Variants in TMEM182 observed in about 807,000 individuals in gnomAD.
TMEM182 encodes transmembrane protein 182.
Under a neutral mutation model 26.8 loss-of-function variants are expected in TMEM182, and 20 were observed. The ratio of observed to expected loss-of-function variants is 0.75; its 90% CI spans 0.53 to 1.09. The LOEUF (loss-of-function observed/expected upper bound fraction) is 1.09, where lower values mean the gene tolerates loss of function less well. Ranked by LOEUF, TMEM182 falls within the 50% of genes least tolerant of loss-of-function variation. The pLI is 0.00. For missense variants in TMEM182, 277 were observed against 275.5 expected (o/e 1.01, Z -0.04); for synonymous variants, 109 against 102.2 (o/e 1.07, Z -0.40).
rs768860456 is a variant in TMEM182 at position 102,764,415 on chromosome 2, G to C, written c.319G>C (p.Asp107His). The C allele has an allele frequency of 6.2e-7, 1 of 1,613,722 alleles. No individual in the cohort carries two copies. Among genetic ancestry groups the C allele is most frequent in the East Asian group, 2.2e-5 (1 of 44,858 alleles). Reference protein sequence around the residue: ...MRGEHNSTSYDSAVIYRGFWA... With the variant: ...MRGEHNSTSYHSAVIYRGFWA... Reference sequence around the variant, plus strand: ...AGGCGAGCACAACTCGACCTCCTATGACTCTGCAGTTAGTAAGTACCCTCT... The same window carrying C: ...AGGCGAGCACAACTCGACCTCCTATCACTCTGCAGTTAGTAAGTACCCTCT... The change falls in exon 3 of 5, where the codon GAC becomes CAC. Residue 107 changes from aspartate (D) to histidine (H), a missense_variant. By Grantham distance (81) the Asp-to-His change is moderately conservative (BLOSUM62 -1). Transcript: ENST00000412401.
intron 3 of TMEM182, among the ~76,000 whole-genome samples, chr2:102,828,054 G>T (rs920829440): frequency 6.6e-6 from 1 of 152,132 alleles, no homozygotes; most frequent in African/African-American, 2.4e-5. Flanking sequence ...TCGTGCCACT[G>T]CACTCCAGCC....
Position 102,776,031 on chromosome 2 carries a change from G to T in TMEM182, c.331+11604G>T, listed in dbSNP as rs182816899. Among the ~76,000 whole-genome samples, 18 of 152,230 alleles carry T rather than the reference G, an allele frequency of 1.2e-4. No individual in the cohort carries two copies. The East Asian group carries it at 3.5e-3, about 29-fold the overall frequency. On this transcript the variant is annotated intron_variant, in intron 3 of 4. Coordinates refer to ENST00000412401, the MANE Select transcript of TMEM182 (RefSeq NM_144632.5). ...AATGAAATTCAGTTTTTTAAAAAAA[G>T]AATAAGACTTTTAATGGCAGTTTTA...
chr2:102,829,051 T>C (rs1683098585), intron 3 of TMEM182, among the ~76,000 whole-genome samples: 1 of 152,188 alleles, frequency 6.6e-6, no homozygotes, highest in African/African-American at 2.4e-5. Context: ...AGTTAGCAAA[T>C]ATTCTGGGTT....
intron 3 of TMEM182, among the ~76,000 whole-genome samples, chr2:102,785,508 A>G (rs1211230457): frequency 6.6e-6 from 1 of 152,226 alleles, no homozygotes; most frequent in Non-Finnish European, 1.5e-5. Context: ...GTGCTCTCCT[A>G]GCCTAGCACA....
downstream of TMEM182, among the ~76,000 whole-genome samples, chr2:102,819,505 T>C (rs1312947045): frequency 6.6e-6 from 1 of 152,210 alleles, no homozygotes; most frequent in Admixed American, 6.5e-5. Context: ...CCTAGGCATG[T>C]ATATGTATAT....
At chr2:102,808,523 A>G (rs543848518) in intron 4 of TMEM182, among the ~76,000 whole-genome samples, 3 of 152,158 alleles carry the variant, frequency 2.0e-5, no homozygotes, top group South Asian at 2.1e-4. Flanking sequence ...AGTTTTGCCT[A>G]AGATTGTGCT....
chr2:102,780,077 A>G (rs993618913), intron 3 of TMEM182, among the ~76,000 whole-genome samples: 1 of 145,444 alleles, frequency 6.9e-6, no homozygotes, highest in African/African-American at 2.6e-5. Context: ...TATCATGGCT[A>G]TTTCCAAATC....
chr2:102,739,495 G>A (rs140556023), intron 1 of TMEM182, among the ~76,000 whole-genome samples: 32 of 152,238 alleles, frequency 2.1e-4, no homozygotes, highest in African/African-American at 7.5e-4. Context: ...GGTTTCTCAC[G>A]AATGGTTTAG....
At chr2:102,842,715 G>A (rs541969921) in intron 3 of TMEM182, among the ~76,000 whole-genome samples, 1 of 152,026 alleles carries the variant, frequency 6.6e-6, no homozygotes, top group South Asian at 2.1e-4. Flanking sequence ...ATATCTTTGC[G>A]ATTTCCCACT....
At chr2:102,817,755 G>T (rs1275444974), downstream of TMEM182, 1 of 964,816 alleles carries the variant, frequency 1.0e-6, no homozygotes, top group Non-Finnish European at 1.2e-6. Flanking sequence ...GTGTATATTT[G>T]TGTGTATGTA....
At chr2:102,782,703 T>C (rs1265972258) in intron 3 of TMEM182, among the ~76,000 whole-genome samples, 4 of 152,194 alleles carry the variant, frequency 2.6e-5, no homozygotes, top group Non-Finnish European at 5.9e-5. Context: ...ATTTAAAAAA[T>C]ATTTATGATT....
chr2:102,762,272 T>C lies in TMEM182; in HGVS notation c.55T>C (p.Leu19=), dbSNP rs770581854. 2 of 1,613,986 alleles carry C rather than the reference T, an allele frequency of 1.2e-6. No homozygotes were observed. ...AGCTCTCTTTGGTGCTTTGGGGGTG[T>C]TACTCTTTTTGGTGGCTTTTGGATC... The part of the protein sequence containing the change: ...FGALFGALGV[L]LFLVAFGSDY... Residue 19 remains leucine, a synonymous_variant, in exon 1 of 5, where the codon TTA becomes CTA. Coordinates refer to ENST00000412401, the MANE Select transcript of TMEM182 (RefSeq NM_144632.5).
At chr2:102,786,253 C>T (rs1361428663) in intron 3 of TMEM182, among the ~76,000 whole-genome samples, 5 of 121,714 alleles carry the variant, frequency 4.1e-5, no homozygotes, top group African/African-American at 6.4e-5. Flanking sequence ...CTTACTCTGT[C>T]GCCCAGGCGG....
chr2:102,739,248 C>T (rs1389269054), intron 1 of TMEM182, among the ~76,000 whole-genome samples: 1 of 152,156 alleles, frequency 6.6e-6, no homozygotes, highest in Non-Finnish European at 1.5e-5. Context: ...AATGCCTTGA[C>T]CTGCAGGGAT....
At chr2:102,789,849 C>T (rs1017162084) in intron 3 of TMEM182, among the ~76,000 whole-genome samples, 10 of 152,108 alleles carry the variant, frequency 6.6e-5, no homozygotes, top group African/African-American at 1.4e-4. Context: ...CTCATCCACC[C>T]GGTGGCAGCC....
chr2:102,811,727 A>G (rs1244807167), intron 4 of TMEM182, among the ~76,000 whole-genome samples: 3 of 152,190 alleles, frequency 2.0e-5, no homozygotes, highest in Non-Finnish European at 2.9e-5. Flanking sequence ...TTTTGTGATC[A>G]GATTGTCTTA....
intron 3 of TMEM182, among the ~76,000 whole-genome samples, chr2:102,837,722 G>A (rs1040509091): frequency 2.6e-5 from 4 of 152,172 alleles, no homozygotes; most frequent in African/African-American, 7.2e-5. Context: ...GGGCTGATGG[G>A]CCCTGAGTAC....
At chr2:102,812,325 C>T (rs988364343) in intron 4 of TMEM182, among the ~76,000 whole-genome samples, 1 of 151,426 alleles carries the variant, frequency 6.6e-6, no homozygotes, top group African/African-American at 2.4e-5. Context: ...AACCATTGGC[C>T]TTTGGTGTAA....
At chr2:102,812,292 A>G (rs1177026573) in intron 4 of TMEM182, among the ~76,000 whole-genome samples, 1 of 151,710 alleles carries the variant, frequency 6.6e-6, no homozygotes, top group African/African-American at 2.4e-5. Context: ...TGCCATGATT[A>G]ATTCTTGCTT....
Sources: allele counts gnomAD v4.1 joint callset (sites outside exome capture counted in the v4.1 genomes callset), GRCh38; gene constraint gnomAD v4.1.1; transcripts MANE v1.5; gene names NCBI Gene and HGNC (gene_info 2026-07-23, HGNC 2026-07-21).